Variants in DOCK3 observed in about 807,000 individuals in gnomAD.
DOCK3 encodes dedicator of cytokinesis 3.
DOCK3 carries 60 observed loss-of-function variants against 265.6 expected under a neutral mutation model. That is an observed-to-expected ratio of 0.23 (90% CI 0.18 to 0.28). The LOEUF (loss-of-function observed/expected upper bound fraction) is 0.28, where lower values mean the gene tolerates loss of function less well. DOCK3 is among the 10% of genes least tolerant of loss of function. The pLI is 1.00. For missense variants in DOCK3, 1,981 were observed against 2,594.3 expected, an observed-to-expected ratio of 0.76 and a Z score of 5.14; for synonymous variants, 881 against 938.0, an observed-to-expected ratio of 0.94 and a Z score of 1.11.
At chr3:51,362,196 A>G (rs890231427) in intron 48 of DOCK3, among the ~76,000 whole-genome samples, 199 bp downstream of exon 48, 11 of 152,140 alleles carry the variant, frequency 7.2e-5, no homozygotes, top group African/African-American at 2.7e-4. Flanking sequence ...CTTATTTCCC[A>G]AGAAGAAAAT....
At chr3:51,077,933 T>G (rs1168527694) in intron 7 of DOCK3, among the ~76,000 whole-genome samples, 1 of 152,114 alleles carries the variant, frequency 6.6e-6, no homozygotes, top group Non-Finnish European at 1.5e-5. Context: ...ATACAGCACT[T>G]CCAGACAACC....
chr3:50,736,472 C>CTA (rs2038623953), intron 1 of DOCK3, among the ~76,000 whole-genome samples: 1 of 152,180 alleles, frequency 6.6e-6, no homozygotes, highest in South Asian at 2.1e-4. Flanking sequence ...TGAGGAATCG[C>CTA]CGCACTGTCT....
intron 1 of DOCK3, among the ~76,000 whole-genome samples, chr3:50,695,424 T>G (rs2035550284): frequency 6.6e-6 from 1 of 152,200 alleles, no homozygotes; most frequent in Non-Finnish European, 1.5e-5. Context: ...CCCTGTGAAT[T>G]TCCAAAAGCC....
chr3:50,993,196 G>A (rs1355374839), intron 5 of DOCK3, among the ~76,000 whole-genome samples: 6 of 152,178 alleles, frequency 3.9e-5, no homozygotes, highest in Non-Finnish European at 8.8e-5. Context: ...ACTTGAGTGA[G>A]CTTTCATATC....
chr3:51,350,122 A>C (rs2085876930), intron 39 of DOCK3, among the ~76,000 whole-genome samples, 166 bp from the exon 40 acceptor site: 1 of 152,142 alleles, frequency 6.6e-6, no homozygotes, highest in Non-Finnish European at 1.5e-5. Flanking sequence ...TTCCATGATG[A>C]AACTCCCTGG....
At chr3:50,970,818 C>T (rs1158610485) in intron 5 of DOCK3, among the ~76,000 whole-genome samples, 3 of 134,406 alleles carry the variant, frequency 2.2e-5, no homozygotes, top group Non-Finnish European at 3.1e-5. Flanking sequence ...CCATGAACTC[C>T]TGGGGTCAAG....
intron 38 of DOCK3, among the ~76,000 whole-genome samples, chr3:51,347,253 T>C (rs1206252390): frequency 6.6e-6 from 1 of 152,240 alleles, no homozygotes; most frequent in Non-Finnish European, 1.5e-5. Context: ...GGTTTTCTTC[T>C]AGGGTTTTTA....
chr3:50,772,301 G>A (rs2041324287), intron 1 of DOCK3, among the ~76,000 whole-genome samples: 1 of 152,218 alleles, frequency 6.6e-6, no homozygotes, highest in Non-Finnish European at 1.5e-5. Flanking sequence ...GGTGCGAAGG[G>A]TAGTGGGTGG....
At chr3:50,987,416 G>C (rs2077942746) in intron 5 of DOCK3, among the ~76,000 whole-genome samples, 1 of 152,168 alleles carries the variant, frequency 6.6e-6, no homozygotes. Context: ...AATCTTATGA[G>C]CGAGATGTAA....
chr3:50,969,337 C>T (rs1048839155), intron 5 of DOCK3, among the ~76,000 whole-genome samples: 3 of 152,086 alleles, frequency 2.0e-5, no homozygotes, highest in Admixed American at 2.0e-4. Context: ...ATATCCCTTT[C>T]CACCCCTTTA....
intron 3 of DOCK3, among the ~76,000 whole-genome samples, chr3:50,857,912 G>A (rs2046688866): frequency 6.6e-6 from 1 of 152,228 alleles, no homozygotes; most frequent in Non-Finnish European, 1.5e-5. Flanking sequence ...ATTTGATCCA[G>A]TAATCCCATT....
chr3:51,308,376 T>C (rs1299025776), intron 27 of DOCK3, among the ~76,000 whole-genome samples: 5 of 151,814 alleles, frequency 3.3e-5, no homozygotes, highest in African/African-American at 7.3e-5. Flanking sequence ...CCTTCCGCAG[T>C]GTTTGTGTCC....
At chr3:50,796,083 C>T (rs2042758395) in intron 2 of DOCK3, among the ~76,000 whole-genome samples, 1 of 151,922 alleles carries the variant, frequency 6.6e-6, no homozygotes, top group East Asian at 1.9e-4. Context: ...CTCTGTCCCC[C>T]AGGCTGGAGT....
chr3:51,132,370 C>G (rs772847240), intron 9 of DOCK3, among the ~76,000 whole-genome samples: 1 of 152,324 alleles, frequency 6.6e-6, no homozygotes, highest in Non-Finnish European at 1.5e-5. Context: ...GAGTCACACT[C>G]TCAACCTCAC....
At chr3:51,311,209 G>A (rs1414940544) in intron 28 of DOCK3, among the ~76,000 whole-genome samples, 2 of 152,156 alleles carry the variant, frequency 1.3e-5, no homozygotes, top group Non-Finnish European at 2.9e-5. Context: ...TTCTTTCAAA[G>A]CTTTGACCCT....
At chr3:51,335,065 A>G (rs2084772377) in intron 35 of DOCK3, among the ~76,000 whole-genome samples, 3 of 152,130 alleles carry the variant, frequency 2.0e-5, no homozygotes, top group Admixed American at 6.5e-5. Context: ...GAAACAGCAT[A>G]ATGTTGATGA....
intron 2 of DOCK3, among the ~76,000 whole-genome samples, chr3:50,795,782 T>C (rs1435056601): frequency 5.3e-5 from 8 of 152,242 alleles, no homozygotes; most frequent in Admixed American, 5.2e-4. Flanking sequence ...TCTGTTCTGC[T>C]GTTGATACTT....
chr3:50,689,814 C>T (rs932807540), intron 1 of DOCK3, among the ~76,000 whole-genome samples: 1 of 152,158 alleles, frequency 6.6e-6, no homozygotes, highest in African/African-American at 2.4e-5. Flanking sequence ...TTACCCACTG[C>T]TCACCTCCTG....
chr3:51,355,146 CTGAG>C, intron 41 of DOCK3, 123 bp downstream of exon 41: 1 of 1,337,814 alleles, frequency 7.5e-7, no homozygotes, highest in Non-Finnish European at 1.0e-6. Context: ...AGTCCTAAAC[CTGAG>C]TGTGTCCTCA....
Sources: gnomAD v4.1 joint callset for allele counts (sites outside exome capture counted in the v4.1 genomes callset) on GRCh38, gnomAD v4.1.1 for gene constraint, MANE v1.5 for transcripts, NCBI Gene and HGNC (gene_info 2026-07-23, HGNC 2026-07-21) for gene names.